ELMO1: variants seen among roughly 807,000 people sequenced by gnomAD.
The protein encoded by ELMO1 is engulfment and cell motility 1, also known as engulfment and cell motility protein 1.
Under a neutral mutation model 98.9 loss-of-function variants are expected in ELMO1, and 26 were observed. That is an observed-to-expected ratio of 0.26 (90% CI 0.19 to 0.36). The LOEUF (loss-of-function observed/expected upper bound fraction) is 0.36. Ranked by LOEUF, ELMO1 falls within the 10% of genes least tolerant of loss-of-function variation. The pLI, the probability that ELMO1 is intolerant of heterozygous loss-of-function variation, is 1.00. For missense variants in ELMO1, 627 were observed against 935.2 expected, an observed-to-expected ratio of 0.67 and a Z score of 4.30; for synonymous variants, 346 against 346.0, an observed-to-expected ratio of 1.00 and a Z score of 0.00.
rs1802119919 is a variant in ELMO1, at chr7:36,855,382, C to T, written c.*169G>A. On this transcript the variant is annotated 3_prime_UTR_variant, in exon 22 of 22. Coordinates refer to ENST00000310758, the MANE Select transcript of ELMO1 (RefSeq NM_014800.11). The surrounding 1 kb of genome is among the most constrained non-coding windows in gnomAD (Gnocchi z 4.2). ...CAGAATCAGGGCGGTGAGCAAGATG[C>T]CAGCTAGGGGCTGAAAGTTGCCAGG... 3.9e-6 allele frequency: 3 copies of T among 771,174 alleles called. No homozygotes were observed. The highest frequency in any genetic ancestry group is 2.6e-5 in the Admixed American group (1 of 38,480). 47.8% of individuals were successfully genotyped at this position (771,174 alleles called of 1,614,324 possible).
At chr7:37,272,774 G>A (rs1796640901) in intron 4 of ELMO1, among the ~76,000 whole-genome samples, 1 of 151,940 alleles carries the variant, frequency 6.6e-6, no homozygotes, top group South Asian at 2.1e-4. Context: ...CAGACACAAA[G>A]GCTTCATGTT....
rs574744839 is a variant in ELMO1 at position 37,371,661 on chromosome 7, C to G, written c.-73-28898G>C. On this transcript the variant is annotated intron_variant, in intron 1 of 21. Coordinates refer to ENST00000310758, the MANE Select transcript of ELMO1 (RefSeq NM_014800.11). ...TGCTAACGAACGTTTCTTTTCTTTC[C>G]TAAAGAAGTCAGGCGCACATTTTCT... Among the ~76,000 whole-genome samples the G allele has an allele frequency of 1.2e-4, 19 of 152,218 alleles. No homozygotes were observed. The South Asian group carries it at 4.0e-3, about 32-fold the overall frequency.
intron 15 of ELMO1, among the ~76,000 whole-genome samples, chr7:37,055,367 C>T (rs1223528063): frequency 6.6e-6 from 1 of 152,158 alleles, no homozygotes; most frequent in African/African-American, 2.4e-5. Flanking sequence ...TCAAATGCTT[C>T]ATCTTTTGGC....
chr7:37,070,276 G>A (rs945830437), intron 15 of ELMO1, among the ~76,000 whole-genome samples: 2 of 152,170 alleles, frequency 1.3e-5, no homozygotes, highest in Non-Finnish European at 2.9e-5. Flanking sequence ...TTCATTCTGT[G>A]GCTCTTCACA....
At chr7:36,942,791 T>TA (rs1029462556) in intron 16 of ELMO1, among the ~76,000 whole-genome samples, 2 of 151,326 alleles carry the variant, frequency 1.3e-5, no homozygotes, top group African/African-American at 4.9e-5. Context: ...TTAGGCTCTG[T>TA]AAAAAATCTA....
chr7:36,964,016 G>C (rs968131395), intron 16 of ELMO1, among the ~76,000 whole-genome samples: 1 of 152,166 alleles, frequency 6.6e-6, no homozygotes, highest in Non-Finnish European at 1.5e-5. Flanking sequence ...CTGTCTTGTA[G>C]TACAGTTATT....
intron 16 of ELMO1, among the ~76,000 whole-genome samples, chr7:36,909,240 A>T (rs1187317878): frequency 6.6e-6 from 1 of 152,246 alleles, no homozygotes; most frequent in Non-Finnish European, 1.5e-5. Flanking sequence ...TAAGCACTCA[A>T]GTAGTAAGTA....
At chr7:37,030,590 T>A (rs987986774) in intron 15 of ELMO1, among the ~76,000 whole-genome samples, 4 of 152,172 alleles carry the variant, frequency 2.6e-5, no homozygotes, top group Non-Finnish European at 5.9e-5. Flanking sequence ...ATGAATGGCT[T>A]CAAAATTATT....
chr7:37,069,563 T>A (rs1045860437), intron 15 of ELMO1, among the ~76,000 whole-genome samples: 1 of 152,152 alleles, frequency 6.6e-6, no homozygotes. Flanking sequence ...CAAAGAAAAG[T>A]GAATGACTAA....
chr7:36,857,503 C>G (rs1373975250), intron 21 of ELMO1, among the ~76,000 whole-genome samples: 1 of 152,152 alleles, frequency 6.6e-6, no homozygotes, highest in Non-Finnish European at 1.5e-5. Context: ...ACACAGCCTT[C>G]CCAGGCCTGG....
intron 1 of ELMO1, among the ~76,000 whole-genome samples, chr7:37,416,782 A>G (rs1158867137): frequency 2.0e-5 from 3 of 152,246 alleles, no homozygotes; most frequent in African/African-American, 7.2e-5. Flanking sequence ...GTAGCATAAG[A>G]GATTTTAATC....
At chr7:37,227,428 C>G (rs1362130521) in intron 8 of ELMO1, among the ~76,000 whole-genome samples, 2 of 152,068 alleles carry the variant, frequency 1.3e-5, no homozygotes, top group African/African-American at 4.8e-5. Context: ...CTCTGTTGCC[C>G]AGGCTGGAGT....
At chr7:37,192,870 CAT>C (rs1563068429) in intron 13 of ELMO1, among the ~76,000 whole-genome samples, 1 of 141,038 alleles carries the variant, frequency 7.1e-6, no homozygotes, top group Non-Finnish European at 1.5e-5. Flanking sequence ...TAGATACATA[CAT>C]GTTTATATAT....
chr7:37,276,336 C>T (rs990156106), intron 4 of ELMO1, among the ~76,000 whole-genome samples: 18 of 152,164 alleles, frequency 1.2e-4, no homozygotes, highest in Non-Finnish European at 1.6e-4. Flanking sequence ...AGGCCGGGCA[C>T]GGTGGCTCAA....
chr7:37,006,926 T>C (rs1458625301), intron 16 of ELMO1, among the ~76,000 whole-genome samples: 1 of 152,182 alleles, frequency 6.6e-6, no homozygotes, highest in Non-Finnish European at 1.5e-5. Flanking sequence ...GATAGTATAA[T>C]TGACACTGGT....
chr7:37,403,980 A>G (rs1803643883), intron 1 of ELMO1, among the ~76,000 whole-genome samples: 1 of 152,214 alleles, frequency 6.6e-6, no homozygotes, highest in Non-Finnish European at 1.5e-5. Context: ...GATGCTGATA[A>G]TAGGGAAAAC....
intron 6 of ELMO1, among the ~76,000 whole-genome samples, chr7:37,247,656 T>A (rs1795082800): frequency 6.6e-6 from 1 of 152,188 alleles, no homozygotes; most frequent in African/African-American, 2.4e-5. Context: ...TGACCTATAA[T>A]TTAAAAACAC....
At chr7:36,880,029 G>A (rs755419591) in intron 18 of ELMO1, among the ~76,000 whole-genome samples, 1 of 152,186 alleles carries the variant, frequency 6.6e-6, no homozygotes, top group Admixed American at 6.5e-5. Flanking sequence ...GCTCTTGGGG[G>A]CCTGTGGGGG....
In ELMO1 at chr7:36,898,146, A is replaced by G. The variant is rs550042578; in HGVS notation, c.1438-3129T>C. The stretch of plus-strand genomic sequence containing the variant: ...TCCTCTGTGCCTTTGCAATTTAGCT[A>G]CAAGGTTTACAACTGATAGCTTTAT... On this transcript the variant is annotated intron_variant, in intron 16 of 21. Coordinates refer to ENST00000310758, the MANE Select transcript of ELMO1 (RefSeq NM_014800.11). Among the ~76,000 whole-genome samples, 20 of 152,372 alleles carry G rather than the reference A, an allele frequency of 1.3e-4. 1 individual carries two copies. The East Asian group carries it at 2.9e-3, about 22-fold the overall frequency.
Sources: gnomAD v4.1 joint callset for allele counts (sites outside exome capture counted in the v4.1 genomes callset) on GRCh38, gnomAD v4.1.1 for gene constraint, Gnocchi (gnomAD v3.1) non-coding constraint, MANE v1.5 for transcripts, NCBI Gene and HGNC (gene_info 2026-07-23, HGNC 2026-07-21) for gene names.